The following GRM7 variants were observed in gnomAD, a reference collection of about 807,000 sequenced individuals.
The protein encoded by GRM7 is metabotropic glutamate receptor 7.
GRM7 carries 35 observed loss-of-function variants against 84.5 expected under a neutral mutation model. That is an observed-to-expected ratio of 0.41 (90% CI 0.32 to 0.55). The LOEUF is 0.55. Among genes scored for constraint, GRM7 ranks in the 20% least tolerant of loss-of-function variants. GRM7 has a pLI of 0.19. For synonymous variants in GRM7, 487 were observed against 455.1 expected (o/e 1.07, Z -0.89); for missense variants, 1,003 against 1,194.6 (o/e 0.84, Z 2.36).
chr3:7,506,777 C>A (rs1023773996), intron 7 of GRM7, among the ~76,000 whole-genome samples: 4 of 152,080 alleles, frequency 2.6e-5, no homozygotes, highest in African/African-American at 9.7e-5. Context: ...TAAACCCTGT[C>A]CTGTGAAGAC....
chr3:7,253,040 A>C (rs1343991846), intron 2 of GRM7, among the ~76,000 whole-genome samples: 1 of 121,474 alleles, frequency 8.2e-6, no homozygotes, highest in Non-Finnish European at 1.8e-5. Context: ...AAAAAAAAGG[A>C]GAGAGTTGAC....
In GRM7 at chr3:7,252,500, G is replaced by T. The variant is rs576715550; in HGVS notation, c.737-46184G>T. ...AATCTGATGGGTGCTACAGAGCAAA[G>T]CTTATAAGATGCTTGATTGGAGGAT... is the stretch of plus-strand genomic sequence containing the variant. On this transcript the variant is annotated intron_variant, in intron 2 of 9. Coordinates refer to ENST00000357716, the MANE Select transcript of GRM7 (RefSeq NM_000844.4). 3.3e-5 allele frequency among the ~76,000 whole-genome samples: 5 copies of T among 152,252 alleles called. 1 individual carries two copies. In the South Asian group the frequency reaches 8.3e-4, roughly 25 times the overall value.
intron 7 of GRM7, among the ~76,000 whole-genome samples, chr3:7,578,201 A>C (rs1246978223): frequency 3.3e-5 from 5 of 152,134 alleles, no homozygotes. Context: ...GGGAATTCTT[A>C]AGATCTGGCA....
intron 7 of GRM7, among the ~76,000 whole-genome samples, chr3:7,505,100 T>C (rs968167218): frequency 2.0e-5 from 3 of 152,212 alleles, no homozygotes; most frequent in African/African-American, 7.2e-5. Flanking sequence ...AAAAAAGGCA[T>C]AACTGGTTCC....
At chr3:7,250,884 G>A (rs1017418856) in intron 2 of GRM7, among the ~76,000 whole-genome samples, 2 of 152,140 alleles carry the variant, frequency 1.3e-5, no homozygotes, top group East Asian at 3.9e-4. Flanking sequence ...TGCATGGTAG[G>A]TACTTGAAAA....
At chr3:7,231,690 G>A (rs1014341319) in intron 2 of GRM7, among the ~76,000 whole-genome samples, 4 of 152,170 alleles carry the variant, frequency 2.6e-5, no homozygotes, top group Admixed American at 1.3e-4. Flanking sequence ...ACATCTCTAT[G>A]AGATAGATAA....
At chr3:6,870,410 A>G (rs1430211562) in intron 1 of GRM7, among the ~76,000 whole-genome samples, 1 of 152,214 alleles carries the variant, frequency 6.6e-6, no homozygotes, top group East Asian at 1.9e-4. Context: ...AGAATATTGT[A>G]GAGGCCATTG....
chr3:7,421,200 A>G (rs796844018), intron 5 of GRM7, among the ~76,000 whole-genome samples: 15 of 152,300 alleles, frequency 9.8e-5, no homozygotes, highest in African/African-American at 3.6e-4. Context: ...GGCATTTAAG[A>G]ACAAAAATTT....
At position 7,258,921 on chromosome 3, in the gene GRM7, G is replaced by A. The variant is rs565818062; in HGVS notation, c.737-39763G>A. Among the ~76,000 whole-genome samples, 88 of 152,312 alleles carry A rather than the reference G, an allele frequency of 5.8e-4. 1 individual carries two copies. Among genetic ancestry groups the A allele is most frequent in the Non-Finnish European group, 6.2e-4 (42 of 68,030 alleles). The stretch of plus-strand genomic sequence containing the variant: ...AATGTGGCAATCCAAGATGAGCGTG[G>A]AAAACCTTAAGGATTTTGTAAACTA... On this transcript the variant is annotated intron_variant, in intron 2 of 9. Transcript: ENST00000357716.
intron 8 of GRM7, among the ~76,000 whole-genome samples, chr3:7,599,829 G>A (rs760145850): frequency 1.3e-5 from 2 of 152,010 alleles, no homozygotes; most frequent in Non-Finnish European, 2.9e-5. Context: ...AAAATGGAAC[G>A]CTTGGTTTTC....
intron 4 of GRM7, among the ~76,000 whole-genome samples, chr3:7,383,967 C>T (rs1559283711): frequency 6.6e-6 from 1 of 151,988 alleles, no homozygotes; most frequent in Non-Finnish European, 1.5e-5. Flanking sequence ...TCATCTGGAC[C>T]CTACTCTAAG....
chr3:6,878,381 G>GTGT (rs1049622203), intron 1 of GRM7, among the ~76,000 whole-genome samples: 4 of 83,064 alleles, frequency 4.8e-5, no homozygotes, highest in Non-Finnish European at 7.6e-5. Context: ...GTGTTTGCGT[G>GTGT]TGTGTGTGTG....
chr3:7,413,515 G>C (rs951289245), intron 4 of GRM7, among the ~76,000 whole-genome samples: 1 of 152,182 alleles, frequency 6.6e-6, no homozygotes, highest in African/African-American at 2.4e-5. Context: ...ATATCCATTT[G>C]ACCTCTGCTT....
chr3:7,242,066 AC>A (rs1233920188), intron 2 of GRM7, among the ~76,000 whole-genome samples: 3 of 152,184 alleles, frequency 2.0e-5, no homozygotes, highest in Non-Finnish European at 4.4e-5. Context: ...ACTGTTAACC[AC>A]CAACTGAGGT....
At chr3:7,108,643 A>G (rs113271049) in intron 1 of GRM7, among the ~76,000 whole-genome samples, 20 of 152,184 alleles carry the variant, frequency 1.3e-4, no homozygotes, top group African/African-American at 4.6e-4. Context: ...ATTATGGACC[A>G]TCTCATTTGA....
intron 4 of GRM7, among the ~76,000 whole-genome samples, chr3:7,386,810 G>C (rs1694803254): frequency 6.6e-6 from 1 of 152,124 alleles, no homozygotes; most frequent in Non-Finnish European, 1.5e-5. Context: ...TTGGTCAAAT[G>C]GTAATTCTGT....
At chr3:7,196,901 T>C (rs1444918527) in intron 2 of GRM7, among the ~76,000 whole-genome samples, 2 of 152,180 alleles carry the variant, frequency 1.3e-5, no homozygotes, top group African/African-American at 4.8e-5. Flanking sequence ...CAGTGAATAC[T>C]GAATACATAA....
intron 7 of GRM7, among the ~76,000 whole-genome samples, chr3:7,550,513 A>ATTC (rs748763977): frequency 1.0e-5 from 1 of 95,886 alleles, no homozygotes; most frequent in African/African-American, 4.3e-5. Context: ...CTTCCTTCTT[A>ATTC]TTCTTCTTCT....
intron 1 of GRM7, among the ~76,000 whole-genome samples, chr3:6,885,094 A>G (rs1412383349): frequency 6.6e-6 from 1 of 152,160 alleles, no homozygotes; most frequent in Non-Finnish European, 1.5e-5. Context: ...TGAAGGTTCT[A>G]TACACACCTG....
Sources: gnomAD v4.1 joint callset for allele counts (sites outside exome capture counted in the v4.1 genomes callset) on GRCh38, gnomAD v4.1.1 for gene constraint, MANE v1.5 for transcripts, NCBI Gene and HGNC (gene_info 2026-07-23, HGNC 2026-07-21) for gene names.